Variants in GRIN2A observed in about 807,000 individuals in gnomAD.
GRIN2A encodes the protein glutamate receptor ionotropic, NMDA 2A.
GRIN2A carries 22 observed loss-of-function variants against 113.4 expected under a neutral mutation model. That is an observed-to-expected ratio of 0.19 (90% CI 0.14 to 0.28). The LOEUF is 0.28. Among genes scored for constraint, GRIN2A ranks in the 10% least tolerant of loss-of-function variants. The pLI is 1.00. For synonymous variants in GRIN2A, 827 were observed against 738.4 expected (o/e 1.12, Z -1.94); for missense variants, 1,502 against 1,887.0 (o/e 0.80, Z 3.78).
chr16:10,030,193 A>AT lies in GRIN2A; in HGVS notation c.415-91643_415-91642insA, dbSNP rs1159673895. On this transcript the variant is annotated intron_variant, in intron 2 of 12. Coordinates refer to ENST00000330684, the MANE Select transcript of GRIN2A (RefSeq NM_001134407.3). ...CACGTTCTTGGGTGATTTTTTAAAA[A>AT]AAAATCATTAAATGTTATACAACTC... Among the ~76,000 whole-genome samples the AT allele has an allele frequency of 4.0e-5, 6 of 151,384 alleles. 1 individual carries two copies. The Middle Eastern group carries it at 0.014, about 343-fold the overall frequency.
At position 10,043,186 on chromosome 16, in the gene GRIN2A, T is replaced by G. The variant is rs1409737490; in HGVS notation, c.415-104635A>C. Among the ~76,000 whole-genome samples, 5 of 152,138 alleles carry G rather than the reference T, an allele frequency of 3.3e-5. 1 individual carries two copies. Among genetic ancestry groups the G allele is most frequent in the African/African-American group, 1.2e-4 (5 of 41,424 alleles). On this transcript the variant is annotated intron_variant, in intron 2 of 12. Transcript: ENST00000330684. The stretch of plus-strand genomic sequence containing the variant: ...TCTAATCTCTCTAGTATCCTACAAT[T>G]TAGATATTATCACCCCTACTTTACA...
At chr16:10,062,010 G>C (rs1227420244) in intron 2 of GRIN2A, among the ~76,000 whole-genome samples, 1 of 152,162 alleles carries the variant, frequency 6.6e-6, no homozygotes, top group East Asian at 1.9e-4. Flanking sequence ...TTTGCTCAGT[G>C]CCTCCATTAC....
At chr16:9,909,951 C>T (rs976440279) in intron 3 of GRIN2A, among the ~76,000 whole-genome samples, 2 of 152,184 alleles carry the variant, frequency 1.3e-5, no homozygotes, top group South Asian at 2.1e-4. Flanking sequence ...TTCATGTAAA[C>T]GGAATCATAC....
intron 2 of GRIN2A, among the ~76,000 whole-genome samples, chr16:10,072,142 C>T (rs1324344268): frequency 6.6e-6 from 1 of 152,194 alleles, no homozygotes; most frequent in Non-Finnish European, 1.5e-5. Context: ...CAATCTTTCA[C>T]CATCGTGAGA....
rs77282754 is a variant in GRIN2A at position 10,160,871 on chromosome 16, T to G, written c.414+19127A>C. Among the ~76,000 whole-genome samples the G allele has an allele frequency of 1.5e-4, 23 of 152,280 alleles. No homozygotes were observed. The East Asian group carries it at 3.9e-3, about 26-fold the overall frequency. ...ACAAAAATGATAAGGAAACTTTGCT[T>G]GGGAAGAATTTCGCAGAGGCACGTT... On this transcript the variant is annotated intron_variant, in intron 2 of 12. Coordinates refer to ENST00000330684, the MANE Select transcript of GRIN2A (RefSeq NM_001134407.3).
chr16:10,135,480 A>G (rs551075423), intron 2 of GRIN2A, among the ~76,000 whole-genome samples: 71 of 152,336 alleles, frequency 4.7e-4, no homozygotes, highest in African/African-American at 1.6e-3. Flanking sequence ...GTGTCTCCAA[A>G]TTATTCTAGC....
chr16:10,112,920 AC>A, intron 2 of GRIN2A: 1 of 418,304 alleles, frequency 2.4e-6, no homozygotes. Flanking sequence ...GAGGGAGCAT[AC>A]CCCAGTGTCC....
At chr16:10,053,887 A>G (rs1238089169) in intron 2 of GRIN2A, among the ~76,000 whole-genome samples, 4 of 152,178 alleles carry the variant, frequency 2.6e-5, no homozygotes, top group Non-Finnish European at 5.9e-5. Flanking sequence ...AGAATAAAGA[A>G]ACAAAGCCAA....
chr16:10,073,506 G>A (rs1260910035), intron 2 of GRIN2A, among the ~76,000 whole-genome samples: 1 of 152,096 alleles, frequency 6.6e-6, no homozygotes, highest in Non-Finnish European at 1.5e-5. Flanking sequence ...ACAAAGCAAA[G>A]TGGGCTAGTC....
chr16:10,120,241 A>G (rs1051226529), intron 2 of GRIN2A, among the ~76,000 whole-genome samples: 12 of 152,138 alleles, frequency 7.9e-5, no homozygotes, highest in Non-Finnish European at 1.8e-4. Flanking sequence ...GGCTGGAGAC[A>G]TTTGTTGTCA....
chr16:10,027,312 AG>A (rs1206283465), intron 2 of GRIN2A, among the ~76,000 whole-genome samples: 3 of 152,220 alleles, frequency 2.0e-5, no homozygotes, highest in African/African-American at 7.2e-5. Flanking sequence ...CTCACAGCAA[AG>A]TTTAGCATCT....
intron 4 of GRIN2A, among the ~76,000 whole-genome samples, chr16:9,886,731 G>C (rs1240697670): frequency 1.3e-5 from 2 of 152,084 alleles, no homozygotes; most frequent in East Asian, 3.9e-4. Context: ...ATGAAGTCAG[G>C]GCTCCGGTGG....
intron 4 of GRIN2A, among the ~76,000 whole-genome samples, chr16:9,878,564 T>C (rs1007154882): frequency 6.6e-6 from 1 of 152,178 alleles, no homozygotes; most frequent in Non-Finnish European, 1.5e-5. Context: ...ACTCAACTAA[T>C]GGTAGCTGCT....
At chr16:10,074,025 TCAA>T (rs1208145368) in intron 2 of GRIN2A, among the ~76,000 whole-genome samples, 3 of 151,732 alleles carry the variant, frequency 2.0e-5, no homozygotes, top group African/African-American at 7.3e-5. Flanking sequence ...CACTCACAAC[TCAA>T]CAATAGAAAG....
intron 2 of GRIN2A, among the ~76,000 whole-genome samples, chr16:10,046,200 G>A (rs961268584): frequency 9.2e-5 from 14 of 151,976 alleles, no homozygotes; most frequent in African/African-American, 3.4e-4. Context: ...TTTGAGAAAT[G>A]TTCTCTCACT....
At chr16:9,905,793 T>A (rs2044016661) in intron 3 of GRIN2A, among the ~76,000 whole-genome samples, 1 of 152,134 alleles carries the variant, frequency 6.6e-6, no homozygotes, top group Non-Finnish European at 1.5e-5. Flanking sequence ...ATCAATTAGA[T>A]TCTGTCTCCT....
intron 2 of GRIN2A, among the ~76,000 whole-genome samples, chr16:10,159,746 C>T (rs1173687387): frequency 1.3e-5 from 2 of 152,128 alleles, no homozygotes; most frequent in Non-Finnish European, 2.9e-5. Flanking sequence ...CTAAATGATA[C>T]ACAAATATAT....
At chr16:10,034,056 G>A (rs1169185892) in intron 2 of GRIN2A, among the ~76,000 whole-genome samples, 1 of 152,202 alleles carries the variant, frequency 6.6e-6, no homozygotes, top group Non-Finnish European at 1.5e-5. Flanking sequence ...GAAGAGGACA[G>A]AGCCTTGGCA....
At chr16:10,093,493 C>G (rs532084282) in intron 2 of GRIN2A, among the ~76,000 whole-genome samples, 3 of 152,164 alleles carry the variant, frequency 2.0e-5, no homozygotes, top group African/African-American at 7.2e-5. Flanking sequence ...ACATTTGCTG[C>G]GTAGCATTGG....
Sources: gnomAD v4.1 joint callset for allele counts (sites outside exome capture counted in the v4.1 genomes callset) on GRCh38, gnomAD v4.1.1 for gene constraint, MANE v1.5 for transcripts, NCBI Gene and HGNC (gene_info 2026-07-23, HGNC 2026-07-21) for gene names.